GRIK3: variants seen among roughly 807,000 people sequenced by gnomAD.
The protein encoded by GRIK3 is glutamate receptor ionotropic, kainate 3.
Under a neutral mutation model 102.5 loss-of-function variants are expected in GRIK3, and 29 were observed. The ratio of observed to expected loss-of-function variants is 0.28; its 90% CI spans 0.21 to 0.39. The LOEUF (loss-of-function observed/expected upper bound fraction) is 0.39. GRIK3 is among the 10% of genes least tolerant of loss of function. GRIK3 has a pLI of 1.00. For synonymous variants in GRIK3, 511 were observed against 504.9 expected, an observed-to-expected ratio of 1.01 and a Z score of -0.16; for missense variants, 908 against 1,252.4, an observed-to-expected ratio of 0.73 and a Z score of 4.15.
chr1:36,825,014 C>T (rs928892073), intron 11 of GRIK3, among the ~76,000 whole-genome samples: 5 of 152,148 alleles, frequency 3.3e-5, no homozygotes, highest in Non-Finnish European at 5.9e-5. Context: ...AAACCTGTCC[C>T]ATAGTGACCT....
intron 9 of GRIK3, among the ~76,000 whole-genome samples, chr1:36,846,952 C>A (rs1230900974): frequency 1.3e-5 from 2 of 152,236 alleles, no homozygotes; most frequent in Admixed American, 1.3e-4. Flanking sequence ...AGGGATACTC[C>A]AGAGGTCATT....
chr1:37,033,375 T>C (rs538963702), intron 1 of GRIK3, among the ~76,000 whole-genome samples: 14 of 152,240 alleles, frequency 9.2e-5, no homozygotes, highest in African/African-American at 3.4e-4. Context: ...GAGAGAGGCC[T>C]TGGCCCCGAG....
Position 37,034,290 on chromosome 1 carries a change from C to A in GRIK3, c.-182G>T, listed in dbSNP as rs1342437740. 6.7e-6 allele frequency among the ~76,000 whole-genome samples: 1 copy of A among 149,050 alleles called. No individual in the cohort carries two copies. Among genetic ancestry groups the A allele is most frequent in the Non-Finnish European group, 1.5e-5 (1 of 66,836 alleles). On this transcript the variant is annotated 5_prime_UTR_variant, in exon 1 of 16. Coordinates refer to ENST00000373091, the MANE Select transcript of GRIK3 (RefSeq NM_000831.4). ...CGCACATCTTACTGGGGGGCCGCCC[C>A]GCCGGCGCCCGCCCCGCCTGGCTGC...
intron 1 of GRIK3, among the ~76,000 whole-genome samples, chr1:37,030,548 T>TC (rs942714510): frequency 0.14 from 8,315 of 58,732 alleles, 356 homozygotes; most frequent in South Asian, 0.22. Flanking sequence ...CCCCACCCCC[T>TC]CCCCCCCCCC....
chr1:36,973,465 G>A (rs1178923008), intron 1 of GRIK3, among the ~76,000 whole-genome samples: 2 of 145,796 alleles, frequency 1.4e-5, no homozygotes, highest in Admixed American at 1.4e-4. Flanking sequence ...TGTCACCCAG[G>A]CTGGAGTGCA....
At chr1:36,949,574 C>CTTTTTTTTTTTTTTTTTTTTTTTTTTTT (rs60157852) in intron 1 of GRIK3, among the ~76,000 whole-genome samples, 1 of 99,668 alleles carries the variant, frequency 1.0e-5, no homozygotes, top group African/African-American at 3.9e-5. Flanking sequence ...CTCTCTCTTT[C>CTTTTTTTTTTTTTTTTTTTTTTTTTTTT]TTTTTTTTTT....
At chr1:36,996,895 T>G (rs1642426190) in intron 1 of GRIK3, among the ~76,000 whole-genome samples, 1 of 152,202 alleles carries the variant, frequency 6.6e-6, no homozygotes, top group African/African-American at 2.4e-5. Flanking sequence ...TATTTGGCCA[T>G]GACGGAAGAC....
intron 2 of GRIK3, among the ~76,000 whole-genome samples, chr1:36,887,225 C>T (rs1177255478): frequency 1.3e-5 from 2 of 152,126 alleles, no homozygotes; most frequent in African/African-American, 2.4e-5. Context: ...AAAGATAAAA[C>T]AACAGCATTT....
intron 1 of GRIK3, among the ~76,000 whole-genome samples, chr1:36,911,080 A>G (rs1233550332): frequency 6.6e-6 from 1 of 151,896 alleles, no homozygotes; most frequent in Non-Finnish European, 1.5e-5. Flanking sequence ...GGCCTTGGAT[A>G]GATTATCACA....
intron 5 of GRIK3, among the ~76,000 whole-genome samples, chr1:36,862,141 T>C (rs1050931795): frequency 6.6e-6 from 1 of 152,194 alleles, no homozygotes; most frequent in Admixed American, 6.5e-5. Context: ...TTCAATGGTG[T>C]GCTGCCACTG....
At chr1:36,988,937 A>G (rs1488497804) in intron 1 of GRIK3, among the ~76,000 whole-genome samples, 2 of 152,176 alleles carry the variant, frequency 1.3e-5, no homozygotes, top group Non-Finnish European at 2.9e-5. Context: ...GAAGTATTTG[A>G]AACGTACAGG....
intron 1 of GRIK3, among the ~76,000 whole-genome samples, chr1:36,933,023 T>TAGAA (rs1162412040): frequency 6.6e-6 from 1 of 152,258 alleles, no homozygotes; most frequent in Non-Finnish European, 1.5e-5. Context: ...GCCCAATATG[T>TAGAA]AGAACCACGT....
intron 1 of GRIK3, among the ~76,000 whole-genome samples, chr1:36,988,322 A>G (rs1642327879): frequency 6.6e-6 from 1 of 152,258 alleles, no homozygotes; most frequent in African/African-American, 2.4e-5. Context: ...GCCTGGGCCC[A>G]TCCTTCCAGA....
chr1:36,823,211 C>A (rs562832084), intron 11 of GRIK3, among the ~76,000 whole-genome samples: 2 of 152,156 alleles, frequency 1.3e-5, no homozygotes, highest in Non-Finnish European at 2.9e-5. Flanking sequence ...TGATGGCTCA[C>A]GCCTGTAATC....
intron 1 of GRIK3, among the ~76,000 whole-genome samples, chr1:36,938,221 T>A (rs1383115821): frequency 6.6e-6 from 1 of 152,144 alleles, no homozygotes; most frequent in African/African-American, 2.4e-5. Context: ...TAGGAAATGA[T>A]GGCACCATAC....
At chr1:36,808,407 A>G (rs1642524121) in intron 13 of GRIK3, among the ~76,000 whole-genome samples, 1 of 152,206 alleles carries the variant, frequency 6.6e-6, no homozygotes, top group African/African-American at 2.4e-5. Context: ...ATGGGATGTC[A>G]TGTCCAAAAT....
At chr1:36,816,152 G>A (rs895585058) in intron 13 of GRIK3, among the ~76,000 whole-genome samples, 1 of 152,136 alleles carries the variant, frequency 6.6e-6, no homozygotes, top group Non-Finnish European at 1.5e-5. Context: ...GGCCTGGGTC[G>A]CACCTGGTTC....
chr1:36,897,212 G>C (rs930812619), intron 1 of GRIK3, among the ~76,000 whole-genome samples: 3 of 152,128 alleles, frequency 2.0e-5, no homozygotes, highest in Admixed American at 6.5e-5. Context: ...AAAAGTGTCT[G>C]TCTGCAGATA....
chr1:36,961,407 A>T (rs1302764248), intron 1 of GRIK3, among the ~76,000 whole-genome samples: 3 of 151,506 alleles, frequency 2.0e-5, no homozygotes, highest in African/African-American at 7.3e-5. Flanking sequence ...AGAGGAAAAA[A>T]AAGCAGAAGA....
Sources: gnomAD v4.1 joint callset for allele counts (sites outside exome capture counted in the v4.1 genomes callset) on GRCh38, gnomAD v4.1.1 for gene constraint, MANE v1.5 for transcripts, NCBI Gene and HGNC (gene_info 2026-07-23, HGNC 2026-07-21) for gene names.